The following ADAM23 variants were observed in gnomAD, a reference collection of about 807,000 sequenced individuals.
ADAM23 encodes the protein disintegrin and metalloproteinase domain-containing protein 23.
ADAM23 carries 33 observed loss-of-function variants against 120.1 expected under a neutral mutation model. The ratio of observed to expected loss-of-function variants is 0.27; its 90% confidence interval spans 0.21 to 0.37. The LOEUF (loss-of-function observed/expected upper bound fraction) is 0.37, where lower values mean the gene tolerates loss of function less well. ADAM23 is among the 10% of genes least tolerant of loss of function. The pLI is 1.00. For synonymous variants in ADAM23, 367 were observed against 375.2 expected (o/e 0.98, Z 0.25); for missense variants, 862 against 1,058.2 (o/e 0.81, Z 2.57).
chr2:206,516,020 T>C (rs1434979168), intron 3 of ADAM23, among the ~76,000 whole-genome samples: 1 of 152,080 alleles, frequency 6.6e-6, no homozygotes, highest in Non-Finnish European at 1.5e-5. Context: ...TTATGAAATG[T>C]ACACATAAAG....
chr2:206,444,074 C>A lies in ADAM23; in HGVS notation c.208C>A (p.Pro70Thr). The change falls in exon 1 of 26, where the codon CCC (proline) becomes ACC (threonine). Residue 70 changes from proline to threonine, a missense_variant. By Grantham distance (38) the Pro-to-Thr change is conservative. Transcript: ENST00000264377. ...GCCCCGCGCCTGGGGGGCTGCTGCG[C>A]CCAGCGGTGGGTATGGCCCCGTGCC... ...SRPRAWGAAA[P>T]SAPHWNETAE... 7.3e-7 allele frequency: 1 copy of A among 1,363,576 alleles called. No individual in the cohort carries two copies. The highest frequency in any genetic ancestry group is 9.5e-7 in the Non-Finnish European group (1 of 1,057,360). 84.5% of individuals were successfully genotyped at this position (1,363,576 alleles called of 1,614,324 possible).
At chr2:206,573,344 G>A (rs1698042934) in intron 18 of ADAM23, 149 bp downstream of exon 18, 1 of 736,946 alleles carries the variant, frequency 1.4e-6, no homozygotes, top group Non-Finnish European at 2.4e-6. Flanking sequence ...CTTGGGGATG[G>A]GACTCAAGTC....
At chr2:206,540,791 G>A (rs956277413) in intron 4 of ADAM23, among the ~76,000 whole-genome samples, 6 of 151,954 alleles carry the variant, frequency 3.9e-5, no homozygotes, top group African/African-American at 1.4e-4. Context: ...CCAATTCACT[G>A]CCTGCCCTGT....
chr2:206,570,832 A>T (rs1269463010), intron 16 of ADAM23, 21 bp downstream of exon 16: 1 of 1,599,986 alleles, frequency 6.3e-7, no homozygotes. Context: ...GAAACCTTCT[A>T]TACTTACAGC....
intron 9 of ADAM23, among the ~76,000 whole-genome samples, chr2:206,556,773 A>G (rs1280767030): frequency 6.6e-6 from 1 of 152,186 alleles, no homozygotes; most frequent in East Asian, 1.9e-4. Flanking sequence ...TGAGCAGTCA[A>G]AAGCAAATGG....
At chr2:206,493,723 A>G (rs1056064817) in intron 3 of ADAM23, among the ~76,000 whole-genome samples, 2 of 152,218 alleles carry the variant, frequency 1.3e-5, no homozygotes, top group Non-Finnish European at 2.9e-5. Flanking sequence ...CACGTCCTTT[A>G]ATATAATTAC....
intron 24 of ADAM23, among the ~76,000 whole-genome samples, chr2:206,598,905 C>G (rs1378091416): frequency 1.4e-5 from 2 of 146,932 alleles, no homozygotes; most frequent in African/African-American, 2.5e-5. Context: ...GAGCCCCCTA[C>G]TCATCCCCCA....
At chr2:206,444,331 A>G (rs1436454570) in intron 1 of ADAM23, among the ~76,000 whole-genome samples, 1 of 152,190 alleles carries the variant, frequency 6.6e-6, no homozygotes, top group Non-Finnish European at 1.5e-5. Context: ...TGTTTAGTGG[A>G]TCCTGGGTCC....
chr2:206,462,966 A>T (rs1255490565), intron 2 of ADAM23, among the ~76,000 whole-genome samples: 1 of 152,150 alleles, frequency 6.6e-6, no homozygotes, highest in Non-Finnish European at 1.5e-5. Context: ...GGCTGCAGGG[A>T]TACCAGTTGG....
chr2:206,567,040 C>T (rs1697898601), intron 14 of ADAM23, among the ~76,000 whole-genome samples, 183 bp from the exon 15 acceptor site: 1 of 152,132 alleles, frequency 6.6e-6, no homozygotes, highest in African/African-American at 2.4e-5. Flanking sequence ...TTTGAAATTC[C>T]ATCTCTGCAA....
At chr2:206,551,535 A>G (rs1697526206) in intron 9 of ADAM23, among the ~76,000 whole-genome samples, 1 of 152,182 alleles carries the variant, frequency 6.6e-6, no homozygotes, top group Non-Finnish European at 1.5e-5. Flanking sequence ...CTTATGAAAG[A>G]TTGGAACAAA....
chr2:206,449,806 A>G (rs1216578100), intron 2 of ADAM23, among the ~76,000 whole-genome samples: 1 of 152,110 alleles, frequency 6.6e-6, no homozygotes, highest in Non-Finnish European at 1.5e-5. Context: ...TACTTGTCCT[A>G]TATCATGCTC....
chr2:206,465,909 G>A (rs1695533454), intron 2 of ADAM23, among the ~76,000 whole-genome samples: 1 of 152,130 alleles, frequency 6.6e-6, no homozygotes, highest in Admixed American at 6.5e-5. Context: ...AAATTGGTAA[G>A]AGATTTTGAG....
intron 24 of ADAM23, among the ~76,000 whole-genome samples, chr2:206,599,494 C>T (rs1022602197): frequency 6.6e-6 from 1 of 152,040 alleles, no homozygotes; most frequent in Admixed American, 6.5e-5. Context: ...ATCTTTTTAA[C>T]CTCTATTTAA....
At chr2:206,539,254 C>A (rs558457002) in intron 4 of ADAM23, among the ~76,000 whole-genome samples, 2 of 152,128 alleles carry the variant, frequency 1.3e-5, no homozygotes, top group Admixed American at 1.3e-4. Context: ...ATCAGATGCT[C>A]CATTTCTGTT....
At chr2:206,612,515 A>G (rs543147029) in intron 25 of ADAM23, among the ~76,000 whole-genome samples, 1 of 152,346 alleles carries the variant, frequency 6.6e-6, no homozygotes, top group African/African-American at 2.4e-5. Flanking sequence ...AAAGTTGGTA[A>G]GGTAACCTGA....
intron 3 of ADAM23, among the ~76,000 whole-genome samples, chr2:206,523,063 ATCAAG>A (rs1696876834): frequency 6.6e-6 from 1 of 152,144 alleles, no homozygotes; most frequent in African/African-American, 2.4e-5. Flanking sequence ...TTTTAGGCTG[ATCAAG>A]CCAGCTGAGT....
chr2:206,589,535 G>A (rs770029079), intron 21 of ADAM23, 21 bp downstream of exon 21: 3 of 1,592,240 alleles, frequency 1.9e-6, no homozygotes, highest in Non-Finnish European at 2.6e-6. Flanking sequence ...AGCTCTAAGG[G>A]CATAGTCACT....
At chr2:206,613,214 C>T (rs1574567000) in intron 25 of ADAM23, among the ~76,000 whole-genome samples, 2 of 152,210 alleles carry the variant, frequency 1.3e-5, no homozygotes, top group Admixed American at 6.5e-5. Context: ...CATGCGCCAC[C>T]ACGCCCAGCT....
Sources: allele counts gnomAD v4.1 joint callset (sites outside exome capture counted in the v4.1 genomes callset), GRCh38; gene constraint gnomAD v4.1.1; transcripts MANE v1.5; gene names NCBI Gene and HGNC (gene_info 2026-07-23, HGNC 2026-07-21).